LGALS8: variants seen among roughly 807,000 people sequenced by gnomAD.
The protein encoded by LGALS8 is galectin-8.
In LGALS8, 30 loss-of-function variants were observed where a neutral mutation model predicts 35.9. That is an observed-to-expected ratio of 0.83 (90% CI 0.62 to 1.13). The LOEUF (loss-of-function observed/expected upper bound fraction) is 1.13, where lower values mean the gene tolerates loss of function less well. Among genes scored for constraint, LGALS8 ranks in the 50% most tolerant of loss-of-function variants. LGALS8 has a pLI of 0.00. For missense variants in LGALS8, 366 were observed against 388.7 expected (o/e 0.94, Z 0.49); for synonymous variants, 138 against 136.1 (o/e 1.01, Z -0.10).
chr1:236,523,154 G>C (rs1447305079), upstream of LGALS8: 1 of 152,206 alleles, frequency 6.6e-6, no homozygotes, highest in Non-Finnish European at 1.5e-5. Flanking sequence ...CTATCAGTCA[G>C]TGTAGGGCCC....
At chr1:236,537,352 A>G (rs1661602541) in intron 2 of LGALS8, 145 bp from the exon 3 acceptor site, 1 of 627,108 alleles carries the variant, frequency 1.6e-6, no homozygotes, top group Admixed American at 2.7e-5. Flanking sequence ...AGGAAAGATG[A>G]CTTGGAAAAT....
chr1:236,551,249 C>T lies in LGALS8; in HGVS notation c.*3088C>T. On this transcript the variant is annotated 3_prime_UTR_variant, in exon 10 of 10. Transcript: ENST00000366584. Reference sequence around the variant, plus strand: ...AACTCAAACTTCCTAGGGATGCCACCCCTTTAGTAGCTCACACCTCCCCCC... The same window carrying T: ...AACTCAAACTTCCTAGGGATGCCACTCCTTTAGTAGCTCACACCTCCCCCC... 2.2e-6 allele frequency: 1 copy of T among 459,958 alleles called. No individual in the cohort carries two copies. 28.5% of individuals were successfully genotyped at this position (459,958 alleles called of 1,614,324 possible). A position where few individuals can be genotyped will look rare whatever the true frequency, so the allele number is the denominator to read the frequency against.
At chr1:236,522,869 G>C (rs894495008), upstream of LGALS8, among the ~76,000 whole-genome samples, 8 of 152,180 alleles carry the variant, frequency 5.3e-5, no homozygotes, top group Non-Finnish European at 8.8e-5. Flanking sequence ...CAGTGAATCA[G>C]AACATGAGTT....
upstream of LGALS8, among the ~76,000 whole-genome samples, chr1:236,520,983 TGAGA>T (rs1660532916): frequency 6.6e-6 from 1 of 152,254 alleles, no homozygotes; most frequent in East Asian, 1.9e-4. Flanking sequence ...TTGACTCCTC[TGAGA>T]GACTTTCCTT....
Position 236,550,921 on chromosome 1 carries a change from G to A in LGALS8, c.*2760G>A. On this transcript the variant is annotated 3_prime_UTR_variant, in exon 10 of 10. Transcript: ENST00000366584. ...AAAGTCTTAGAAATAGCTCTGGAGT[G>A]GCTCTCCCAGGACAGTTTCCAGTTG... is the stretch of plus-strand genomic sequence containing the variant. The A allele has an allele frequency of 1.9e-6, 3 of 1,606,850 alleles. No individual in the cohort carries two copies. Among genetic ancestry groups the A allele is most frequent in the South Asian group, 1.1e-5 (1 of 89,734 alleles).
intron 2 of LGALS8, among the ~76,000 whole-genome samples, chr1:236,527,759 T>C (rs901140808): frequency 6.6e-5 from 10 of 151,978 alleles, no homozygotes; most frequent in Admixed American, 3.3e-4. Flanking sequence ...TTTTGAGATA[T>C]AGTTTCCCTC....
Position 236,537,554 on chromosome 1 carries a change from A to G in LGALS8, c.103A>G (p.Ile35Val), listed in dbSNP as rs1661621262. The G allele has an allele frequency of 1.2e-6, 2 of 1,606,924 alleles. No homozygotes were observed. ...GCTGGATCCTGGAACTTTGATTGTG[A>G]TACGTGGGCATGTTCCTAGTGACGC... ...DQLDPGTLIV[I>V]RGHVPSDADR... The change falls in exon 3 of 10, where the codon ATA (isoleucine) becomes GTA (valine). Residue 35 changes from isoleucine to valine, a missense_variant. Physicochemically the swap from Ile to Val is conservative, Grantham distance 29 (BLOSUM62 3). Transcript: ENST00000366584.
intron 2 of LGALS8, among the ~76,000 whole-genome samples, chr1:236,528,104 T>C (rs1339009524): frequency 6.6e-6 from 1 of 150,524 alleles, no homozygotes; most frequent in Non-Finnish European, 1.5e-5. Flanking sequence ...GGTTTTCAGC[T>C]GGGCATGGTG....
In LGALS8 at chr1:236,550,750, T is replaced by G. The variant is rs1572026566; in HGVS notation, c.*2589T>G. On this transcript the variant is annotated 3_prime_UTR_variant, in exon 10 of 10. Coordinates refer to ENST00000366584, the MANE Select transcript of LGALS8 (RefSeq NM_201544.4). Reference sequence around the variant, plus strand: ...GGCTTATGTGGCAGCACAAGCCAGGTGGGGATTTTGTAAAGAAGTGATAAA... The same window carrying G: ...GGCTTATGTGGCAGCACAAGCCAGGGGGGGATTTTGTAAAGAAGTGATAAA... The G allele has an allele frequency of 5.1e-6, 3 of 591,304 alleles. No individual in the cohort carries two copies. Among genetic ancestry groups the G allele is most frequent in the Non-Finnish European group, 2.9e-6 (1 of 342,122 alleles). The allele number at this position is 591,304 out of a possible 1,614,324, so 36.6% of individuals were successfully genotyped here.
rs533029129 is a variant in LGALS8 at position 236,551,161 on chromosome 1, C to A, written c.*3000C>A. On this transcript the variant is annotated 3_prime_UTR_variant, in exon 10 of 10. Coordinates refer to ENST00000366584, the MANE Select transcript of LGALS8 (RefSeq NM_201544.4). ...CGCCACGGACCGCCTCCCTCCACAC[C>A]GCTCCTTCCGCCTTCATTCCTTGCC... is the stretch of plus-strand genomic sequence containing the variant. The A allele has an allele frequency of 5.3e-6, 3 of 570,358 alleles. No homozygotes were observed. Among genetic ancestry groups the A allele is most frequent in the Non-Finnish European group, 9.1e-6 (3 of 327,990 alleles). The allele number at this position is 570,358 out of a possible 1,614,324, so 35.3% of individuals were successfully genotyped here.
chr1:236,524,085 CG>C (rs1269301677), intron 1 of LGALS8, 24 bp downstream of exon 1: 5 of 455,760 alleles, frequency 1.1e-5, no homozygotes, highest in East Asian at 6.9e-5. Context: ...CCCCCGGCCT[CG>C]GGTGGCGGGG....
intron 2 of LGALS8, among the ~76,000 whole-genome samples, chr1:236,527,828 C>T (rs763924528): frequency 1.3e-5 from 2 of 151,884 alleles, no homozygotes; most frequent in South Asian, 2.1e-4. Flanking sequence ...TTCTGCCTCC[C>T]GGGTTCAAGC....
At chr1:236,532,493 C>G (rs2103077503) in intron 2 of LGALS8, among the ~76,000 whole-genome samples, 1 of 152,294 alleles carries the variant, frequency 6.6e-6, no homozygotes, top group South Asian at 2.1e-4. Context: ...CTCAGATGCT[C>G]TGCCAACGCT....
intron 4 of LGALS8, among the ~76,000 whole-genome samples, chr1:236,539,401 T>TATA (rs1186082398): frequency 6.6e-6 from 1 of 152,198 alleles, no homozygotes. Context: ...GAGGGTAAGT[T>TATA]ATAATATAAC....
chr1:236,537,922 A>ACCCC (rs71748899), intron 3 of LGALS8, among the ~76,000 whole-genome samples: 5,096 of 136,756 alleles, frequency 0.037, 317 homozygotes, highest in African/African-American at 0.12. Context: ...ACATAGTGAG[A>ACCCC]CCCCCCATCT....
intron 2 of LGALS8, among the ~76,000 whole-genome samples, chr1:236,531,166 G>C (rs144386776): frequency 6.6e-6 from 1 of 152,208 alleles, no homozygotes; most frequent in African/African-American, 2.4e-5. Context: ...CTTGTGAAGG[G>C]CTGTGTCTTT....
chr1:236,528,336 G>T (rs564255049), intron 2 of LGALS8, among the ~76,000 whole-genome samples: 4 of 150,222 alleles, frequency 2.7e-5, no homozygotes, highest in Non-Finnish European at 5.9e-5. Flanking sequence ...GAGCCGAGAT[G>T]GTGCCACTGC....
chr1:236,548,755 C>T lies in LGALS8; in HGVS notation c.*594C>T, dbSNP rs754809537. The T allele has an allele frequency of 8.2e-6, 3 of 367,262 alleles. No individual in the cohort carries two copies. Among genetic ancestry groups the T allele is most frequent in the African/African-American group, 2.3e-5 (1 of 43,144 alleles). The allele number at this position is 367,262 out of a possible 1,614,324, so 22.8% of individuals were successfully genotyped here. On this transcript the variant is annotated 3_prime_UTR_variant, in exon 10 of 10. Transcript: ENST00000366584. ...CTCTACCGTATCCCATCACTGAGGA[C>T]TGATGTTGACTGACATCATTTTCTT...
At chr1:236,533,338 C>T (rs968233313) in intron 2 of LGALS8, among the ~76,000 whole-genome samples, 1 of 123,532 alleles carries the variant, frequency 8.1e-6, no homozygotes, top group Non-Finnish European at 1.7e-5. Flanking sequence ...GCTCCCCCAC[C>T]CTTTTTTTTT....
Sources: gnomAD v4.1 joint callset for allele counts (sites outside exome capture counted in the v4.1 genomes callset) on GRCh38, gnomAD v4.1.1 for gene constraint, MANE v1.5 for transcripts, NCBI Gene and HGNC (gene_info 2026-07-23, HGNC 2026-07-21) for gene names.